CDH4: variants seen among roughly 807,000 people sequenced by gnomAD.
The protein encoded by CDH4 is cadherin-4.
In CDH4, 33 loss-of-function variants were observed where a neutral mutation model predicts 86.0. The ratio of observed to expected loss-of-function variants is 0.38; its 90% confidence interval spans 0.29 to 0.51. CDH4 has a LOEUF of 0.51. CDH4 is among the 20% of genes least tolerant of loss of function. CDH4 has a pLI of 0.86. For missense variants in CDH4, 1,114 were observed against 1,307.4 expected (o/e 0.85, Z 2.28); for synonymous variants, 555 against 549.4 (o/e 1.01, Z -0.14).
intron 4 of CDH4, among the ~76,000 whole-genome samples, chr20:61,802,278 A>C (rs1345845996): frequency 6.6e-6 from 1 of 152,252 alleles, no homozygotes; most frequent in East Asian, 1.9e-4. Flanking sequence ...CAGAGAGGTC[A>C]GGATTCTCAC....
chr20:61,668,003 G>A (rs1485672235), intron 2 of CDH4, among the ~76,000 whole-genome samples: 1 of 152,232 alleles, frequency 6.6e-6, no homozygotes, highest in East Asian at 1.9e-4. Context: ...GAGGCTGGAA[G>A]CACTTTGTTG....
chr20:61,638,244 A>G (rs1039771362), intron 2 of CDH4, among the ~76,000 whole-genome samples: 2 of 152,158 alleles, frequency 1.3e-5, no homozygotes, highest in East Asian at 3.8e-4. Context: ...TCCTGATCTC[A>G]TGGCAGCCCT....
chr20:61,852,294 C>T (rs1281098201), intron 5 of CDH4, among the ~76,000 whole-genome samples: 3 of 151,862 alleles, frequency 2.0e-5, no homozygotes, highest in African/African-American at 7.2e-5. Context: ...CCTGTCTCCT[C>T]CCCATCTCCC....
chr20:61,765,013 T>C (rs1043982661), intron 3 of CDH4, among the ~76,000 whole-genome samples: 1 of 152,192 alleles, frequency 6.6e-6, no homozygotes, highest in African/African-American at 2.4e-5. Context: ...AGAAGCACTT[T>C]GTAAATAAAA....
intron 3 of CDH4, among the ~76,000 whole-genome samples, chr20:61,757,804 G>A (rs1459538309): frequency 6.6e-6 from 1 of 152,210 alleles, no homozygotes; most frequent in Non-Finnish European, 1.5e-5. Flanking sequence ...GGAGGAGCGA[G>A]TGGTACAGAC....
chr20:61,313,513 G>A (rs1262081927), intron 2 of CDH4, among the ~76,000 whole-genome samples: 1 of 152,148 alleles, frequency 6.6e-6, no homozygotes, highest in Non-Finnish European at 1.5e-5. Flanking sequence ...GGCACCAGGC[G>A]TGTCTCACAG....
At chr20:61,368,319 T>A (rs148216282) in intron 2 of CDH4, among the ~76,000 whole-genome samples, 2,033 of 152,284 alleles carry the variant, frequency 0.013, 17 homozygotes, top group Middle Eastern at 0.027. Flanking sequence ...AAGTGATCCA[T>A]GAGAGTGGAG....
chr20:61,706,958 G>A (rs949356848), intron 2 of CDH4, among the ~76,000 whole-genome samples: 3 of 152,218 alleles, frequency 2.0e-5, no homozygotes, highest in Admixed American at 6.5e-5. Flanking sequence ...AGAAGCTCCT[G>A]GATTCTGATT....
At position 61,772,986 on chromosome 20, in the gene CDH4, C is replaced by T; in HGVS notation, c.397-17C>T. On this transcript the variant is annotated splice_polypyrimidine_tract_variant and intron_variant, in intron 3 of 15. Transcript: ENST00000614565. Reference sequence around the variant, plus strand: ...AACTGGACTTCTCTGCCTCTTCTCTCCCCTTTCCAAATAAAGCCGCAGAAA... The same window carrying T: ...AACTGGACTTCTCTGCCTCTTCTCTTCCCTTTCCAAATAAAGCCGCAGAAA... 1 of 1,602,318 alleles carries T rather than the reference C, an allele frequency of 6.2e-7. No individual in the cohort carries two copies. The highest frequency in any genetic ancestry group is 8.5e-7 in the Non-Finnish European group (1 of 1,171,906).
chr20:61,666,363 G>C (rs1029956006), intron 2 of CDH4, among the ~76,000 whole-genome samples: 6 of 152,204 alleles, frequency 3.9e-5, no homozygotes, highest in Admixed American at 6.5e-5. Flanking sequence ...GCTGCTGCCG[G>C]CACAGCCAGG....
chr20:61,590,239 G>C (rs551838784), intron 2 of CDH4, among the ~76,000 whole-genome samples: 1 of 152,178 alleles, frequency 6.6e-6, no homozygotes, highest in African/African-American at 2.4e-5. Context: ...TGGGGATGGG[G>C]CCAGTGGCCT....
chr20:61,536,931 G>T (rs940299700), intron 2 of CDH4, among the ~76,000 whole-genome samples: 1 of 152,212 alleles, frequency 6.6e-6, no homozygotes, highest in Non-Finnish European at 1.5e-5. Flanking sequence ...GGCCCTAGCT[G>T]CAGGTACACC....
chr20:61,819,676 A>G (rs1293359890), intron 4 of CDH4, among the ~76,000 whole-genome samples: 2 of 152,148 alleles, frequency 1.3e-5, no homozygotes, highest in Non-Finnish European at 2.9e-5. Flanking sequence ...TGATTGGTAT[A>G]ATTTATATGA....
intron 2 of CDH4, among the ~76,000 whole-genome samples, chr20:61,462,703 C>T (rs1254757853): frequency 6.6e-6 from 1 of 152,214 alleles, no homozygotes; most frequent in Non-Finnish European, 1.5e-5. Context: ...GTTTCATCCT[C>T]CATCCTTGTC....
chr20:61,481,283 G>A (rs1293689636), intron 2 of CDH4, among the ~76,000 whole-genome samples: 4 of 152,304 alleles, frequency 2.6e-5, no homozygotes, highest in South Asian at 2.1e-4. Flanking sequence ...TGAACGTCCT[G>A]CAACACCCAG....
At position 61,480,233 on chromosome 20, in the gene CDH4, C is replaced by T. The variant is rs2085561253; in HGVS notation, c.169+225296C>T. 6.6e-6 allele frequency among the ~76,000 whole-genome samples: 1 copy of T among 152,110 alleles called. No homozygotes were observed. The highest frequency in any genetic ancestry group is 2.1e-4 in the South Asian group (1 of 4,822). ...TCCATCTCTTCCACCCCAGGAGGAC[C>T]CCAGGCTCCCCCTCTCGTGGTAGCC... On this transcript the variant is annotated intron_variant, in intron 2 of 15. Transcript: ENST00000614565. This position sits in a 1 kb window ranked among gnomAD's most constrained non-coding sequence, Gnocchi z 5.2.
At chr20:61,781,928 G>A (rs953706089) in intron 4 of CDH4, among the ~76,000 whole-genome samples, 3 of 152,166 alleles carry the variant, frequency 2.0e-5, no homozygotes, top group Admixed American at 6.6e-5. Flanking sequence ...ATCCCTGCAG[G>A]CACACGCCAA....
At chr20:61,321,919 G>T (rs541081335) in intron 2 of CDH4, among the ~76,000 whole-genome samples, 16 of 151,190 alleles carry the variant, frequency 1.1e-4, no homozygotes, top group Admixed American at 2.0e-4. Flanking sequence ...ATAATATATT[G>T]TAGCATATAT....
At chr20:61,634,051 C>A (rs1230268138) in intron 2 of CDH4, among the ~76,000 whole-genome samples, 2 of 152,156 alleles carry the variant, frequency 1.3e-5, no homozygotes, top group East Asian at 3.9e-4. Flanking sequence ...TGTTTCAGAC[C>A]CAGCTAAAGC....
Sources: gnomAD v4.1 joint callset for allele counts (sites outside exome capture counted in the v4.1 genomes callset) on GRCh38, gnomAD v4.1.1 for gene constraint, Gnocchi (gnomAD v3.1) non-coding constraint, MANE v1.5 for transcripts, NCBI Gene and HGNC (gene_info 2026-07-23, HGNC 2026-07-21) for gene names.